Variants in GNAS-AS1 observed in about 807,000 individuals in gnomAD.
GNAS-AS1 encodes the protein GNAS antisense RNA 1, also known as GNAS antisense RNA 1 (non-protein coding).
chr20:58,834,837 A>C (rs1452182601), intron 4 of GNAS-AS1, among the ~76,000 whole-genome samples: 1 of 152,194 alleles, frequency 6.6e-6, no homozygotes, highest in Non-Finnish European at 1.5e-5. Flanking sequence ...AACGAATGGC[A>C]CAAATACAGT....
At chr20:58,830,345 CCACACCACCATCACCACCACCACAA>C (rs1160602073) in intron 4 of GNAS-AS1, among the ~76,000 whole-genome samples, 6 of 135,606 alleles carry the variant, frequency 4.4e-5, no homozygotes, top group African/African-American at 1.5e-4. Flanking sequence ...ACCATCACCA[CCACACCACCATCACCACCACCACAA>C]CACCATCACC....
Position 58,841,661 on chromosome 20 carries a change from A to C in GNAS-AS1, n.819+276T>G. On this transcript the variant is annotated intron_variant and non_coding_transcript_variant, in intron 4 of 4. Coordinates refer to ENST00000424094, the Ensembl canonical transcript of GNAS-AS1. The surrounding 1 kb of genome is among the most constrained non-coding windows in gnomAD (Gnocchi z 5.0). ...CTCCCGGCGGCGGGCGGTTAGGGGA[A>C]AGTACCTGGGGGAAAGGTAGAGGAG... is the stretch of plus-strand genomic sequence containing the variant. 1.8e-6 allele frequency: 2 copies of C among 1,138,550 alleles called. No homozygotes were observed. Among genetic ancestry groups the C allele is most frequent in the Non-Finnish European group, 1.1e-6 (1 of 928,306 alleles). 70.5% of individuals were successfully genotyped at this position (1,138,550 alleles called of 1,614,324 possible).
intron 1 of GNAS-AS1, among the ~76,000 whole-genome samples, chr20:58,849,895 C>T (rs2086088353): frequency 6.6e-6 from 1 of 152,218 alleles, no homozygotes. Context: ...CAAATCCTCA[C>T]TTGCAGAACA....
chr20:58,825,000 T>C (rs2085510271), intron 4 of GNAS-AS1, among the ~76,000 whole-genome samples: 1 of 152,186 alleles, frequency 6.6e-6, no homozygotes, highest in Non-Finnish European at 1.5e-5. Context: ...CCCGGGCTCA[T>C]CTCGCTGGGG....
rs1054371006 is a variant in GNAS-AS1 at position 58,841,474 on chromosome 20, G to A, written n.819+463C>T. ...GGCGCCTAAGCAGCTCAGAGCCGGA[G>A]CCCAGGTCCCAGAGCTGACAATTAA... On this transcript the variant is annotated intron_variant and non_coding_transcript_variant, in intron 4 of 4. Coordinates refer to ENST00000424094, the Ensembl canonical transcript of GNAS-AS1. The surrounding 1 kb of genome is among the most constrained non-coding windows in gnomAD (Gnocchi z 5.0). 24 of 991,710 alleles carry A rather than the reference G, an allele frequency of 2.4e-5. No homozygotes were observed. The highest frequency in any genetic ancestry group is 1.6e-4 in the African/African-American group (9 of 57,388). The allele number at this position is 991,710 out of a possible 1,614,324, so 61.4% of individuals were successfully genotyped here.
chr20:58,825,941 C>T (rs967790195), intron 4 of GNAS-AS1: 4 of 396,572 alleles, frequency 1.0e-5, no homozygotes, highest in Non-Finnish European at 1.8e-5. Flanking sequence ...TGGCCACAGG[C>T]CTTGTGTCTC....
rs2145469835 is a variant in GNAS-AS1 at position 58,840,157 on chromosome 20, C to A, written n.819+1780G>T. ...AGTGGCGCCGAGCTCGCCATAATTA[C>A]AACGACCTGTGCCCGCCCATAGGCC... On this transcript the variant is annotated intron_variant and non_coding_transcript_variant, in intron 4 of 4. Transcript: ENST00000424094. The surrounding 1 kb of genome is among the most constrained non-coding windows in gnomAD (Gnocchi z 6.0). 6.2e-7 allele frequency: 1 copy of A among 1,611,810 alleles called. No homozygotes were observed.
At chr20:58,849,609 T>A (rs944502746) in intron 1 of GNAS-AS1, among the ~76,000 whole-genome samples, 2 of 152,208 alleles carry the variant, frequency 1.3e-5, no homozygotes, top group African/African-American at 4.8e-5. Context: ...CACTGCCACC[T>A]TGCCAGCCCC....
At chr20:58,825,864 C>T (rs961864592) in intron 4 of GNAS-AS1, among the ~76,000 whole-genome samples, 34 of 152,276 alleles carry the variant, frequency 2.2e-4, no homozygotes, top group African/African-American at 6.3e-4. Flanking sequence ...CCGGCATGGA[C>T]GAGAGGGGAG....
intron 4 of GNAS-AS1, chr20:58,826,004 T>C (rs2085517331): frequency 5.0e-6 from 2 of 398,590 alleles, no homozygotes; most frequent in East Asian, 7.1e-5. Flanking sequence ...CTCTTTCTCC[T>C]GAGCTTGCTC....
At chr20:58,821,861 A>G (rs1319977936) in intron 4 of GNAS-AS1, among the ~76,000 whole-genome samples, 1 of 152,176 alleles carries the variant, frequency 6.6e-6, no homozygotes, top group African/African-American at 2.4e-5. Flanking sequence ...GGGCCGCCTG[A>G]GGCCCACAAC....
At chr20:58,829,847 AG>A (rs2085542559) in intron 4 of GNAS-AS1, among the ~76,000 whole-genome samples, 1 of 152,146 alleles carries the variant, frequency 6.6e-6, no homozygotes, top group South Asian at 2.1e-4. Flanking sequence ...GACCTTCCTT[AG>A]CGCGATGACT....
intron 4 of GNAS-AS1, among the ~76,000 whole-genome samples, chr20:58,836,012 C>T (rs2085600385): frequency 6.6e-6 from 1 of 152,110 alleles, no homozygotes; most frequent in African/African-American, 2.4e-5. Context: ...CCCAACACTC[C>T]TTCCTGTCAC....
chr20:58,845,172 G>T (rs554117064), intron 2 of GNAS-AS1, among the ~76,000 whole-genome samples: 1 of 152,132 alleles, frequency 6.6e-6, no homozygotes, highest in Non-Finnish European at 1.5e-5. Flanking sequence ...TGTGGGGGAC[G>T]GCAGACTGAT....
At position 58,840,245 on chromosome 20, in the gene GNAS-AS1, A is replaced by G; in HGVS notation, n.819+1692T>C. On this transcript the variant is annotated intron_variant and non_coding_transcript_variant, in intron 4 of 4. Coordinates refer to ENST00000424094, the Ensembl canonical transcript of GNAS-AS1. This position sits in a 1 kb window ranked among gnomAD's most constrained non-coding sequence, Gnocchi z 6.0. ...CATCGCGCTCCTCCGCGCCCTTGCCACCTCCAACGCCCGTGCCCAGCAGCG... is the reference window on the plus strand; with the variant it reads ...CATCGCGCTCCTCCGCGCCCTTGCCGCCTCCAACGCCCGTGCCCAGCAGCG... The G allele has an allele frequency of 6.2e-7, 1 of 1,610,574 alleles. No individual in the cohort carries two copies. The highest frequency in any genetic ancestry group is 1.7e-5 in the Admixed American group (1 of 59,950).
chr20:58,828,319 G>T (rs1285666409), intron 4 of GNAS-AS1, among the ~76,000 whole-genome samples: 5 of 152,244 alleles, frequency 3.3e-5, no homozygotes, highest in Non-Finnish European at 7.3e-5. Flanking sequence ...ATCAAGAAAA[G>T]AATGTGAAGC....
intron 4 of GNAS-AS1, chr20:58,833,913 G>A (rs1413144035): frequency 2.0e-5 from 3 of 152,208 alleles, no homozygotes; most frequent in Non-Finnish European, 2.9e-5. Context: ...TCATTTGCCT[G>A]AAGATAATTG....
At chr20:58,826,466 G>C (rs2085521177) in intron 4 of GNAS-AS1, among the ~76,000 whole-genome samples, 1 of 152,170 alleles carries the variant, frequency 6.6e-6, no homozygotes, top group Non-Finnish European at 1.5e-5. Context: ...AGTGGGCAGG[G>C]GGAGGGTTTG....
intron 4 of GNAS-AS1, among the ~76,000 whole-genome samples, chr20:58,822,784 G>A (rs533545592): frequency 1.5e-4 from 23 of 151,902 alleles, no homozygotes; most frequent in African/African-American, 5.6e-4. Context: ...TAAATAAGTC[G>A]CCCCAAGGCC....
Sources: gnomAD v4.1 joint callset for allele counts (sites outside exome capture counted in the v4.1 genomes callset) on GRCh38, gnomAD v4.1.1 for gene constraint, Gnocchi (gnomAD v3.1) non-coding constraint, MANE v1.5 for transcripts, NCBI Gene and HGNC (gene_info 2026-07-23, HGNC 2026-07-21) for gene names.